Variants in SOX6 observed in about 807,000 individuals in gnomAD.
The protein encoded by SOX6 is transcription factor SOX-6.
Under a neutral mutation model 97.8 loss-of-function variants are expected in SOX6, and 11 were observed. The ratio of observed to expected loss-of-function variants is 0.11; its 90% CI spans 0.07 to 0.19. The LOEUF (loss-of-function observed/expected upper bound fraction) is 0.19. SOX6 is among the 10% of genes least tolerant of loss of function. The pLI is 1.00. For missense variants in SOX6, 810 were observed against 1,039.5 expected (o/e 0.78, Z 3.04); for synonymous variants, 360 against 371.4 (o/e 0.97, Z 0.35).
At chr11:16,043,552 G>A (rs1855739537) in intron 12 of SOX6, among the ~76,000 whole-genome samples, 1 of 152,166 alleles carries the variant, frequency 6.6e-6, no homozygotes, top group South Asian at 2.1e-4. Flanking sequence ...GACCCATCAT[G>A]AGTAAACGTG....
intron 3 of SOX6, chr11:16,316,632 C>G (rs1855764190): frequency 6.6e-6 from 1 of 151,976 alleles, no homozygotes. Context: ...TTAAAATTCC[C>G]TAGTAGTTCA....
chr11:16,523,896 A>T (rs962190599), intron 4 of SOX6, among the ~76,000 whole-genome samples: 2 of 152,252 alleles, frequency 1.3e-5, no homozygotes, highest in Non-Finnish European at 2.9e-5. Context: ...AAATGGATAA[A>T]TTCCTCAACA....
At chr11:16,173,949 G>C (rs1022070861) in intron 6 of SOX6, among the ~76,000 whole-genome samples, 2 of 151,264 alleles carry the variant, frequency 1.3e-5, no homozygotes, top group African/African-American at 4.8e-5. Context: ...GTGCTCAAGA[G>C]ATCCCCCTAC....
rs886334279 is a variant in SOX6, at chr11:16,228,947, T to C, written c.535+5635A>G. On this transcript the variant is annotated intron_variant, in intron 4 of 15. Transcript: ENST00000683767. ...ATAAAATTTTATGAGAAACCACTGG[T>C]TTTTTAAGTAAAATCTAAAAGGGAA... is the stretch of plus-strand genomic sequence containing the variant. Among the ~76,000 whole-genome samples, 4 of 152,138 alleles carry C rather than the reference T, an allele frequency of 2.6e-5. No homozygotes were observed. The East Asian group carries it at 5.8e-4, about 22-fold the overall frequency.
At chr11:16,264,295 T>C (rs1320542114) in intron 3 of SOX6, among the ~76,000 whole-genome samples, 1 of 151,956 alleles carries the variant, frequency 6.6e-6, no homozygotes, top group Non-Finnish European at 1.5e-5. Context: ...TGAACAGATA[T>C]GTGTATGTTA....
At chr11:16,362,564 T>TA (rs1333515929) in intron 1 of SOX6, among the ~76,000 whole-genome samples, 3 of 151,830 alleles carry the variant, frequency 2.0e-5, no homozygotes, top group African/African-American at 7.3e-5. Context: ...GATAATTCTC[T>TA]AGAGGAAAAT....
chr11:16,134,795 C>T (rs1849917218), intron 6 of SOX6, among the ~76,000 whole-genome samples: 1 of 152,150 alleles, frequency 6.6e-6, no homozygotes, highest in Admixed American at 6.6e-5. Flanking sequence ...TTAGGCTTCC[C>T]TATTCCCTGA....
At chr11:16,505,078 G>A (rs1021802317) in intron 4 of SOX6, among the ~76,000 whole-genome samples, 13 of 152,240 alleles carry the variant, frequency 8.5e-5, no homozygotes, top group African/African-American at 2.7e-4. Context: ...GGAAGCAGCT[G>A]CAGAACTGGG....
chr11:16,232,757 A>G (rs1852898214), intron 4 of SOX6, among the ~76,000 whole-genome samples: 1 of 152,130 alleles, frequency 6.6e-6, no homozygotes, highest in Non-Finnish European at 1.5e-5. Context: ...TCACTGTTAT[A>G]AAAAGGAATG....
chr11:16,104,368 T>G (rs1364099264), intron 7 of SOX6, among the ~76,000 whole-genome samples: 1 of 152,010 alleles, frequency 6.6e-6, no homozygotes, highest in Non-Finnish European at 1.5e-5. Flanking sequence ...AAAGGTCAGA[T>G]TTTCTTAAGA....
At chr11:16,490,688 C>A (rs1416866753) in intron 4 of SOX6, among the ~76,000 whole-genome samples, 8 of 152,052 alleles carry the variant, frequency 5.3e-5, no homozygotes, top group South Asian at 4.1e-4. Context: ...AAACTTAATG[C>A]CATATTCTCA....
chr11:16,006,135 C>A (rs1854548607), intron 13 of SOX6, among the ~76,000 whole-genome samples: 1 of 151,994 alleles, frequency 6.6e-6, no homozygotes, highest in Non-Finnish European at 1.5e-5. Context: ...CTAACACCTG[C>A]TAAGCTTTCT....
intron 4 of SOX6, among the ~76,000 whole-genome samples, chr11:16,522,903 A>G (rs1427197692): frequency 6.6e-6 from 1 of 152,234 alleles, no homozygotes. Flanking sequence ...CATAATGCTA[A>G]AGAGATCAAT....
In SOX6 at chr11:16,183,750, T is replaced by C. The variant is rs532915970; in HGVS notation, c.777+136A>G. 3.0e-5 allele frequency: 22 copies of C among 725,916 alleles called. No individual in the cohort carries two copies. In the East Asian group the frequency reaches 4.4e-4, roughly 14 times the overall value. 45.0% of individuals were successfully genotyped at this position (725,916 alleles called of 1,614,324 possible). Reference sequence around the variant, plus strand: ...ATATTTCTTACATTCAATTATAGAATTGTGCACAACATCCTTGAAAACAGC... The same window carrying C: ...ATATTTCTTACATTCAATTATAGAACTGTGCACAACATCCTTGAAAACAGC... On this transcript the variant is annotated intron_variant, in intron 6 of 15. Transcript: ENST00000683767.
At chr11:16,240,018 T>C (rs1853137050) in intron 3 of SOX6, among the ~76,000 whole-genome samples, 1 of 152,120 alleles carries the variant, frequency 6.6e-6, no homozygotes, top group South Asian at 2.1e-4. Flanking sequence ...AAATGCAATC[T>C]GTTTCCTTTG....
chr11:16,390,418 T>C (rs145991845), intron 1 of SOX6, among the ~76,000 whole-genome samples: 2 of 152,322 alleles, frequency 1.3e-5, no homozygotes, highest in Non-Finnish European at 2.9e-5. Context: ...TTGTGTTTTG[T>C]CCAGAGTCCA....
rs576220792 is a variant in SOX6 at position 16,725,248 on chromosome 11, G to T, written n.354-10343C>A. Among the ~76,000 whole-genome samples the T allele has an allele frequency of 2.0e-5, 3 of 152,356 alleles. No homozygotes were observed. The South Asian group carries it at 6.2e-4, about 32-fold the overall frequency. ...CCTTAAAAACATGCCAAGTGGCTGGGCGCAGTGGCTGATGCCCATAATCCC... is the reference window on the plus strand; with the variant it reads ...CCTTAAAAACATGCCAAGTGGCTGGTCGCAGTGGCTGATGCCCATAATCCC... On this transcript the variant is annotated intron_variant and non_coding_transcript_variant, in intron 2 of 5. Transcript: ENST00000524520.
At chr11:16,286,724 C>A (rs1236919235) in intron 3 of SOX6, among the ~76,000 whole-genome samples, 10 of 151,940 alleles carry the variant, frequency 6.6e-5, no homozygotes, top group Non-Finnish European at 1.5e-4. Context: ...TTATTGCAGT[C>A]CTGTGCTCAT....
At chr11:16,663,481 C>G (rs10832668) in intron 3 of SOX6, among the ~76,000 whole-genome samples, 1 of 151,866 alleles carries the variant, frequency 6.6e-6, no homozygotes, top group South Asian at 2.1e-4. Context: ...TGACACCATA[C>G]TCAGCTAATT....
Sources: allele counts gnomAD v4.1 joint callset (sites outside exome capture counted in the v4.1 genomes callset), GRCh38; gene constraint gnomAD v4.1.1; transcripts MANE v1.5; gene names NCBI Gene and HGNC (gene_info 2026-07-23, HGNC 2026-07-21).